The following FARS2 variants were observed in gnomAD, a reference collection of about 807,000 sequenced individuals.
The protein encoded by FARS2 is phenylalanine--tRNA ligase, mitochondrial.
FARS2 carries 40 observed loss-of-function variants against 46.4 expected under a neutral mutation model. The observed-to-expected ratio is 0.86, with a 90% confidence interval of 0.67 to 1.12. The LOEUF is 1.12. Ranked by LOEUF, FARS2 falls within the 50% of genes most tolerant of loss-of-function variation. The pLI, the probability that FARS2 is intolerant of heterozygous loss-of-function variation, is 0.00. For synonymous variants in FARS2, 234 were observed against 214.9 expected (o/e 1.09, Z -0.78); for missense variants, 513 against 567.9 (o/e 0.90, Z 0.98).
chr6:5,382,161 G>GA (rs1759836312), intron 2 of FARS2, among the ~76,000 whole-genome samples: 1 of 152,214 alleles, frequency 6.6e-6, no homozygotes, highest in African/African-American at 2.4e-5. Flanking sequence ...AGCAGAGAAA[G>GA]ATTTACGTTT....
chr6:5,464,269 A>G (rs1765396974), intron 4 of FARS2, among the ~76,000 whole-genome samples: 2 of 152,232 alleles, frequency 1.3e-5, no homozygotes, highest in African/African-American at 4.8e-5. Context: ...GCGACTCGGC[A>G]GAGCAGCTGG....
At chr6:5,562,500 A>G (rs1417136201) in intron 5 of FARS2, among the ~76,000 whole-genome samples, 1 of 152,150 alleles carries the variant, frequency 6.6e-6, no homozygotes, top group Non-Finnish European at 1.5e-5. Context: ...CAAGGAAATA[A>G]TCTCCTTAAC....
intron 1 of FARS2, among the ~76,000 whole-genome samples, chr6:5,329,161 C>G (rs1770613474): frequency 1.3e-5 from 2 of 151,840 alleles, no homozygotes; most frequent in Admixed American, 6.6e-5. Context: ...GGCTACCAAC[C>G]AACTTATAAA....
At chr6:5,648,313 G>T (rs1561775953) in intron 6 of FARS2, among the ~76,000 whole-genome samples, 1 of 152,174 alleles carries the variant, frequency 6.6e-6, no homozygotes, top group Non-Finnish European at 1.5e-5. Flanking sequence ...CGTCTTACGT[G>T]GAGCCCTCAG....
the FARS2 span, among the ~76,000 whole-genome samples, chr6:5,253,427 G>GTT: frequency 0.022 from 3,248 of 145,662 alleles, 98 homozygotes; most frequent in African/African-American, 0.075. Flanking sequence ...GCAATTCTCA[G>GTT]TTTTTTTTTT....
rs376744290 is a variant in FARS2, at chr6:5,283,079, A to G, written c.-22+21419A>G. ...TGGTGAAACCCTGTCTCGACTAAAA[A>G]TTCAAAAAAAATGCAGGATATGGTG... On this transcript the variant is annotated intron_variant, in intron 1 of 6. Coordinates refer to ENST00000274680, the MANE Select transcript of FARS2 (RefSeq NM_006567.5). 3.2e-4 allele frequency among the ~76,000 whole-genome samples: 48 copies of G among 152,166 alleles called. No individual in the cohort carries two copies. The South Asian group carries it at 9.5e-3, about 30-fold the overall frequency.
At chr6:5,498,394 C>G (rs1767596300) in intron 4 of FARS2, among the ~76,000 whole-genome samples, 1 of 152,092 alleles carries the variant, frequency 6.6e-6, no homozygotes, top group African/African-American at 2.4e-5. Context: ...AAGGAAATGC[C>G]AGGGTGAATC....
intron 1 of FARS2, among the ~76,000 whole-genome samples, chr6:5,310,704 A>G (rs898758947): frequency 8.5e-5 from 13 of 152,224 alleles, no homozygotes; most frequent in African/African-American, 3.1e-4. Context: ...CAAACAATCA[A>G]ACAAAAAGTA....
chr6:5,370,026 T>G (rs1334125246), intron 2 of FARS2, among the ~76,000 whole-genome samples: 1 of 152,224 alleles, frequency 6.6e-6, no homozygotes, highest in Non-Finnish European at 1.5e-5. Context: ...GCACAGGGTG[T>G]ATTTCATTTT....
intron 5 of FARS2, among the ~76,000 whole-genome samples, chr6:5,589,663 G>A (rs1773809311): frequency 6.6e-6 from 1 of 152,206 alleles, no homozygotes; most frequent in Admixed American, 6.5e-5. Flanking sequence ...CCATATCTGG[G>A]AACACCAGTG....
intron 1 of FARS2, among the ~76,000 whole-genome samples, chr6:5,353,857 C>T (rs1330056069): frequency 6.7e-6 from 1 of 148,468 alleles, no homozygotes; most frequent in Non-Finnish European, 1.5e-5. Context: ...GAGAGCTGTC[C>T]TTTCTCAGGT....
At chr6:5,568,629 A>G (rs967534385) in intron 5 of FARS2, among the ~76,000 whole-genome samples, 1 of 152,170 alleles carries the variant, frequency 6.6e-6, no homozygotes, top group South Asian at 2.1e-4. Context: ...TCTGTGGTTC[A>G]GTGTAGGGTG....
chr6:5,532,777 T>G lies in FARS2; in HGVS notation c.905-12403T>G, dbSNP rs547720212. On this transcript the variant is annotated intron_variant, in intron 4 of 6. Coordinates refer to ENST00000274680, the MANE Select transcript of FARS2 (RefSeq NM_006567.5). The stretch of plus-strand genomic sequence containing the variant: ...AAAGTAGTAGTAGTAATAATAATAA[T>G]AATAATAAGAAGAAGAAGAAGAAGA... Among the ~76,000 whole-genome samples the G allele has an allele frequency of 3.8e-3, 549 of 143,426 alleles. 3 individuals are homozygous for G. The highest frequency in any genetic ancestry group is 8.8e-3 in the African/African-American group (312 of 35,282). 94.1% of individuals were successfully genotyped at this position (143,426 alleles called of 152,430 possible).
chr6:5,762,106 G>A (rs1382015739), intron 6 of FARS2, among the ~76,000 whole-genome samples: 1 of 152,204 alleles, frequency 6.6e-6, no homozygotes, highest in Non-Finnish European at 1.5e-5. Context: ...AGACGAGGAA[G>A]TTGAGGCTCA....
At chr6:5,684,950 A>G (rs1757077189) in intron 6 of FARS2, among the ~76,000 whole-genome samples, 1 of 152,200 alleles carries the variant, frequency 6.6e-6, no homozygotes, top group South Asian at 2.1e-4. Flanking sequence ...ATCAAGGAAA[A>G]AAGATTAAGT....
chr6:5,579,345 C>T (rs566423984), intron 5 of FARS2, among the ~76,000 whole-genome samples: 46 of 152,268 alleles, frequency 3.0e-4, no homozygotes, highest in Non-Finnish European at 5.3e-4. Context: ...ACTACAACCT[C>T]CGCCTCCTGG....
intron 6 of FARS2, among the ~76,000 whole-genome samples, chr6:5,731,106 T>C (rs561388129): frequency 9.2e-5 from 14 of 151,922 alleles, no homozygotes; most frequent in African/African-American, 3.4e-4. Context: ...GTCAGGAGAG[T>C]CAGCTGATCT....
chr6:5,573,394 TG>T (rs1772770041), intron 5 of FARS2, among the ~76,000 whole-genome samples: 1 of 152,174 alleles, frequency 6.6e-6, no homozygotes, highest in Non-Finnish European at 1.5e-5. Flanking sequence ...TTTCTTTTAT[TG>T]ACACACACAC....
chr6:5,693,448 A>G (rs1311582421), intron 6 of FARS2, among the ~76,000 whole-genome samples: 2 of 152,206 alleles, frequency 1.3e-5, no homozygotes, highest in Non-Finnish European at 2.9e-5. Flanking sequence ...GCAGGATATT[A>G]ATGGGCAAGG....
Sources: gnomAD v4.1 joint callset for allele counts (sites outside exome capture counted in the v4.1 genomes callset) on GRCh38, gnomAD v4.1.1 for gene constraint, MANE v1.5 for transcripts, NCBI Gene and HGNC (gene_info 2026-07-23, HGNC 2026-07-21) for gene names.